The following RORA variants were observed in gnomAD, a reference collection of about 807,000 sequenced individuals.
RORA encodes the protein nuclear receptor ROR-alpha.
In RORA, 7 loss-of-function variants were observed where a neutral mutation model predicts 69.5. The observed-to-expected ratio is 0.10, with a 90% CI of 0.06 to 0.19. The LOEUF (loss-of-function observed/expected upper bound fraction) is 0.19. Among genes scored for constraint, RORA ranks in the 10% least tolerant of loss-of-function variants. The probability of loss-of-function intolerance (pLI) is 1.00; values close to 1 mark genes in which losing one functional copy is unlikely to be tolerated. For synonymous variants in RORA, 261 were observed against 240.8 expected, an observed-to-expected ratio of 1.08 and a Z score of -0.78; for missense variants, 457 against 663.0, an observed-to-expected ratio of 0.69 and a Z score of 3.41.
chr15:61,041,411 G>A (rs896452945), intron 1 of RORA, among the ~76,000 whole-genome samples: 1 of 135,414 alleles, frequency 7.4e-6, no homozygotes, highest in Admixed American at 7.3e-5. Flanking sequence ...AGGAAGGAAG[G>A]CAGTAAGAAA....
At chr15:60,502,280 C>T (rs1473994994) in intron 8 of RORA, among the ~76,000 whole-genome samples, 1 of 152,098 alleles carries the variant, frequency 6.6e-6, no homozygotes, top group Non-Finnish European at 1.5e-5. Context: ...GCACCTGGCC[C>T]CAAATTATTT....
chr15:61,045,755 T>A (rs1896989046), intron 1 of RORA, among the ~76,000 whole-genome samples: 1 of 152,218 alleles, frequency 6.6e-6, no homozygotes, highest in South Asian at 2.1e-4. Context: ...GACAAGGGAC[T>A]GGCCTACATC....
intron 1 of RORA, among the ~76,000 whole-genome samples, chr15:60,979,690 C>T (rs1177689564): frequency 6.6e-6 from 1 of 151,672 alleles, no homozygotes; most frequent in Non-Finnish European, 1.5e-5. Flanking sequence ...TATCCTACAA[C>T]TTTGTTGAAC....
At chr15:60,663,386 T>C (rs890999170) in intron 2 of RORA, among the ~76,000 whole-genome samples, 2 of 152,232 alleles carry the variant, frequency 1.3e-5, no homozygotes, top group Admixed American at 1.3e-4. Flanking sequence ...AGAGGGTTAG[T>C]TCCAGAAGTT....
At chr15:60,918,839 G>A (rs1430072556) in intron 1 of RORA, among the ~76,000 whole-genome samples, 1 of 152,122 alleles carries the variant, frequency 6.6e-6, no homozygotes, top group East Asian at 1.9e-4. Flanking sequence ...CTAGTCTTCA[G>A]GTCTGTTGAG....
At chr15:61,136,051 T>C (rs2079237311) in intron 1 of RORA, among the ~76,000 whole-genome samples, 1 of 152,250 alleles carries the variant, frequency 6.6e-6, no homozygotes, top group South Asian at 2.1e-4. Flanking sequence ...TGTTTATCAC[T>C]TGTCTTCCTT....
At chr15:60,712,754 C>A (rs947227375) in intron 1 of RORA, among the ~76,000 whole-genome samples, 23 of 152,318 alleles carry the variant, frequency 1.5e-4, no homozygotes, top group African/African-American at 5.5e-4. Flanking sequence ...CTCAGCTTTT[C>A]TTTATTTCCC....
rs189131121 is a variant in RORA at position 60,712,068 on chromosome 15, T to A, written c.167-33382A>T. On this transcript the variant is annotated intron_variant, in intron 1 of 10. Transcript: ENST00000335670. Reference sequence around the variant, plus strand: ...TGTCAGTGACAGTGTATTTTTCTTCTATGAATATTAGAAATCTTAGCAAGT... The same window carrying A: ...TGTCAGTGACAGTGTATTTTTCTTCAATGAATATTAGAAATCTTAGCAAGT... Among the ~76,000 whole-genome samples the A allele has an allele frequency of 5.9e-5, 9 of 152,328 alleles. No homozygotes were observed. In the East Asian group the frequency reaches 1.5e-3, roughly 26 times the overall value.
intron 1 of RORA, among the ~76,000 whole-genome samples, chr15:61,063,396 C>A (rs771151710): frequency 3.3e-5 from 5 of 152,164 alleles, no homozygotes; most frequent in Non-Finnish European, 7.3e-5. Context: ...GAAACAGTTA[C>A]CTAGAACCTG....
chr15:61,214,166 G>A (rs1041745037), intron 1 of RORA: 4 of 152,232 alleles, frequency 2.6e-5, no homozygotes, highest in Non-Finnish European at 5.9e-5. Context: ...TAAAACCAGA[G>A]TGTGTTTGCT....
intron 1 of RORA, among the ~76,000 whole-genome samples, chr15:60,910,650 T>C (rs1251138744): frequency 6.6e-6 from 1 of 152,096 alleles, no homozygotes; most frequent in Non-Finnish European, 1.5e-5. Flanking sequence ...CACAAAGAAC[T>C]TAGAGAGAAA....
intron 1 of RORA, among the ~76,000 whole-genome samples, chr15:60,966,895 G>T (rs1206961067): frequency 6.6e-6 from 1 of 152,160 alleles, no homozygotes; most frequent in African/African-American, 2.4e-5. Context: ...TGGGACTGAG[G>T]TTTAAACTCT....
intron 1 of RORA, among the ~76,000 whole-genome samples, chr15:60,930,553 G>C (rs936424962): frequency 6.6e-6 from 1 of 152,206 alleles, no homozygotes; most frequent in Non-Finnish European, 1.5e-5. Context: ...GGAGTCCTCA[G>C]CCTCCCCTAG....
intron 1 of RORA, among the ~76,000 whole-genome samples, chr15:60,936,502 C>T (rs1892526563): frequency 6.6e-6 from 1 of 152,190 alleles, no homozygotes; most frequent in African/African-American, 2.4e-5. Flanking sequence ...CTTCTTTGTC[C>T]ACAGTAGCTA....
intron 1 of RORA, among the ~76,000 whole-genome samples, chr15:60,761,421 AC>A (rs1364454216): frequency 2.0e-4 from 31 of 152,202 alleles, no homozygotes; most frequent in Admixed American, 2.0e-3. Context: ...GGGCAGCATT[AC>A]AAACATCAAT....
intron 1 of RORA, among the ~76,000 whole-genome samples, chr15:60,912,537 G>A (rs567723120): frequency 7.9e-5 from 12 of 152,008 alleles, no homozygotes; most frequent in African/African-American, 2.9e-4. Context: ...TGTGGATCAC[G>A]AGATCAGGAG....
intron 1 of RORA, among the ~76,000 whole-genome samples, chr15:60,983,350 A>G (rs752138315): frequency 6.6e-6 from 1 of 152,258 alleles, no homozygotes; most frequent in Non-Finnish European, 1.5e-5. Flanking sequence ...AGGTGCTGAA[A>G]GTATCAAAGT....
chr15:61,059,517 A>G (rs2140532135), intron 1 of RORA, among the ~76,000 whole-genome samples: 1 of 152,368 alleles, frequency 6.6e-6, no homozygotes, highest in East Asian at 1.9e-4. Flanking sequence ...GGAATTATGA[A>G]TGTTTCTGGA....
rs564586620 is a variant in RORA at position 60,738,823 on chromosome 15, C to T, written c.167-60137G>A. ...AGATCAGGTTGCTGGCAGGGCCATGCTTCCTTTGAAGGTGCTAGGGGAAAA... is the reference window on the plus strand; with the variant it reads ...AGATCAGGTTGCTGGCAGGGCCATGTTTCCTTTGAAGGTGCTAGGGGAAAA... On this transcript the variant is annotated intron_variant, in intron 1 of 10. Coordinates refer to ENST00000335670, the MANE Select transcript of RORA (RefSeq NM_134261.3). 5.3e-5 allele frequency among the ~76,000 whole-genome samples: 8 copies of T among 152,312 alleles called. No homozygotes were observed. The South Asian group carries it at 1.7e-3, about 32-fold the overall frequency.
Sources: gnomAD v4.1 joint callset for allele counts (sites outside exome capture counted in the v4.1 genomes callset) on GRCh38, gnomAD v4.1.1 for gene constraint, MANE v1.5 for transcripts, NCBI Gene and HGNC (gene_info 2026-07-23, HGNC 2026-07-21) for gene names.